The following ELMO1 variants were observed in gnomAD, a reference collection of about 807,000 sequenced individuals.
ELMO1 encodes the protein engulfment and cell motility 1, also known as engulfment and cell motility protein 1.
In ELMO1, 26 loss-of-function variants were observed where a neutral mutation model predicts 98.9. The ratio of observed to expected loss-of-function variants is 0.26; its 90% CI spans 0.19 to 0.36. The LOEUF is 0.36. Ranked by LOEUF, ELMO1 falls within the 10% of genes least tolerant of loss-of-function variation. The pLI is 1.00. For missense variants in ELMO1, 627 were observed against 935.2 expected, an observed-to-expected ratio of 0.67 and a Z score of 4.30; for synonymous variants, 346 against 346.0, an observed-to-expected ratio of 1.00 and a Z score of 0.00.
chr7:37,222,924 C>A (rs2130540534), intron 9 of ELMO1, among the ~76,000 whole-genome samples: 1 of 152,296 alleles, frequency 6.6e-6, no homozygotes, highest in East Asian at 1.9e-4. Flanking sequence ...GTGCAGAATG[C>A]CCAGAAATAT....
chr7:37,039,261 G>A (rs1397567832), intron 15 of ELMO1, among the ~76,000 whole-genome samples: 1 of 152,160 alleles, frequency 6.6e-6, no homozygotes, highest in Non-Finnish European at 1.5e-5. Flanking sequence ...ATGGTTTGAG[G>A]TCAACTGGTT....
chr7:37,441,155 A>AG (rs1219159986), intron 1 of ELMO1, among the ~76,000 whole-genome samples: 1 of 151,586 alleles, frequency 6.6e-6, no homozygotes, highest in Non-Finnish European at 1.5e-5. Context: ...AAAAAAAAAA[A>AG]GACACAAAGG....
At position 37,133,131 on chromosome 7, in the gene ELMO1, C is replaced by T. The variant is rs1238602128; in HGVS notation, c.1190G>A (p.Arg397Gln). ...TCTGAAAAGGGGCTTCTTGCTTACC[C>T]GGATGTAGGCATCTTGGTGGTGCTT... ...FAKHHQDAYI[R>Q]IVLENSSRED... Residue 397 changes from arginine (R) to glutamine (Q), a missense_variant and splice_region_variant, in exon 14 of 22, where the codon CGG (arginine) becomes CAG (glutamine). By Grantham distance (43) the Arg-to-Gln change is conservative. Coordinates refer to ENST00000310758, the MANE Select transcript of ELMO1 (RefSeq NM_014800.11). 3 of 1,604,492 alleles carry T rather than the reference C, an allele frequency of 1.9e-6. No individual in the cohort carries two copies. The highest frequency in any genetic ancestry group is 1.7e-6 in the Non-Finnish European group (2 of 1,175,754).
chr7:36,954,431 G>T (rs1420429075), intron 16 of ELMO1, among the ~76,000 whole-genome samples: 1 of 152,132 alleles, frequency 6.6e-6, no homozygotes, highest in East Asian at 1.9e-4. Flanking sequence ...TCCCACCCAG[G>T]GGCACTGCTG....
chr7:36,925,423 T>C (rs1038068212), intron 16 of ELMO1, among the ~76,000 whole-genome samples: 1 of 152,152 alleles, frequency 6.6e-6, no homozygotes, highest in Non-Finnish European at 1.5e-5. Flanking sequence ...CTGGGCTGGC[T>C]GCTGCACAGA....
chr7:37,157,840 T>A (rs1307007683), intron 13 of ELMO1, among the ~76,000 whole-genome samples: 2 of 152,108 alleles, frequency 1.3e-5, no homozygotes, highest in Non-Finnish European at 2.9e-5. Flanking sequence ...AGAGCCTGCA[T>A]GGCCAAGTCA....
intron 16 of ELMO1, among the ~76,000 whole-genome samples, chr7:36,956,246 G>C (rs1030336930): frequency 1.3e-5 from 2 of 152,146 alleles, no homozygotes; most frequent in African/African-American, 4.8e-5. Flanking sequence ...CAGTTCCTTT[G>C]AGGTGCCTGC....
intron 1 of ELMO1, among the ~76,000 whole-genome samples, chr7:37,383,251 CCTT>C (rs1458542933): frequency 6.6e-6 from 1 of 152,204 alleles, no homozygotes; most frequent in African/African-American, 2.4e-5. Context: ...TCTTTAATCT[CCTT>C]TAGTTTGGGA....
intron 9 of ELMO1, among the ~76,000 whole-genome samples, chr7:37,224,409 T>C (rs1466422985): frequency 2.0e-5 from 3 of 152,210 alleles, no homozygotes; most frequent in Non-Finnish European, 2.9e-5. Context: ...AGAAGCTCAC[T>C]AGAATCACCT....
At chr7:36,885,112 T>A (rs981921112) in intron 18 of ELMO1, among the ~76,000 whole-genome samples, 3 of 152,184 alleles carry the variant, frequency 2.0e-5, no homozygotes, top group Non-Finnish European at 4.4e-5. Flanking sequence ...ACAGAGCCAG[T>A]CACCAGATTT....
chr7:37,348,656 G>C (rs555010532), intron 1 of ELMO1, among the ~76,000 whole-genome samples: 2 of 151,922 alleles, frequency 1.3e-5, no homozygotes, highest in Non-Finnish European at 2.9e-5. Context: ...AAATGTCTCC[G>C]TAGGTTGGGT....
At chr7:37,128,978 G>A (rs1416149942) in intron 14 of ELMO1, among the ~76,000 whole-genome samples, 2 of 152,124 alleles carry the variant, frequency 1.3e-5, no homozygotes, top group African/African-American at 2.4e-5. Context: ...TCCGGGTAGA[G>A]GGTCAGGAAG....
At chr7:36,867,472 T>G (rs80237244) in intron 20 of ELMO1, among the ~76,000 whole-genome samples, 2 of 152,176 alleles carry the variant, frequency 1.3e-5, no homozygotes, top group African/African-American at 2.4e-5. Flanking sequence ...TACCAGCTTT[T>G]GGTTTTGTTG....
In ELMO1 at chr7:37,426,964, C is replaced by G. The variant is rs375714118; in HGVS notation, c.-74+21711G>C. Among the ~76,000 whole-genome samples the G allele has an allele frequency of 3.3e-5, 5 of 152,088 alleles. No homozygotes were observed. The East Asian group carries it at 7.7e-4, about 24-fold the overall frequency. Reference sequence around the variant, plus strand: ...AATGCCATACACCGAGAAACATTTACTCAGGATTTTTATCCAAGATCCTTC... The same window carrying G: ...AATGCCATACACCGAGAAACATTTAGTCAGGATTTTTATCCAAGATCCTTC... On this transcript the variant is annotated intron_variant, in intron 1 of 21. Transcript: ENST00000310758.
intron 6 of ELMO1, among the ~76,000 whole-genome samples, chr7:37,254,494 T>C (rs1286070356): frequency 6.6e-6 from 1 of 152,208 alleles, no homozygotes. Flanking sequence ...TACACAAACA[T>C]ACATGGTATA....
intron 4 of ELMO1, among the ~76,000 whole-genome samples, chr7:37,276,975 TC>T (rs1332011944): frequency 6.6e-6 from 1 of 152,228 alleles, no homozygotes; most frequent in Non-Finnish European, 1.5e-5. Context: ...TCATTGGCTG[TC>T]TTCCTCACCC....
intron 1 of ELMO1, chr7:37,429,208 T>C (rs1804830203): frequency 6.6e-6 from 1 of 152,166 alleles, no homozygotes; most frequent in South Asian, 2.1e-4. Context: ...CCATTCCGGG[T>C]GCTGCAGACT....
chr7:37,099,824 T>C (rs1171017127), intron 14 of ELMO1, among the ~76,000 whole-genome samples: 1 of 151,266 alleles, frequency 6.6e-6, no homozygotes, highest in African/African-American at 2.5e-5. Flanking sequence ...GTGTCAGTCC[T>C]GGAGTTCAAT....
chr7:37,387,845 A>C (rs1409716134), intron 1 of ELMO1, among the ~76,000 whole-genome samples: 1 of 152,038 alleles, frequency 6.6e-6, no homozygotes, highest in Non-Finnish European at 1.5e-5. Flanking sequence ...CCTTTATTTT[A>C]CTTTGAGACA....
Sources: allele counts gnomAD v4.1 joint callset (sites outside exome capture counted in the v4.1 genomes callset), GRCh38; gene constraint gnomAD v4.1.1; transcripts MANE v1.5; gene names NCBI Gene and HGNC (gene_info 2026-07-23, HGNC 2026-07-21).